ZNF892: variants seen among roughly 807,000 people sequenced by gnomAD.
ZNF892 encodes zinc finger protein 892.
chr2:95,243,391 A>G, the ZNF892 span, among the ~76,000 whole-genome samples: 1 of 141,844 alleles, frequency 7.1e-6, no homozygotes, highest in Non-Finnish European at 1.5e-5. Flanking sequence ...CCGCCATCCC[A>G]TCTAGGAAGT....
chr2:95,235,828 G>A, the ZNF892 span, among the ~76,000 whole-genome samples: 1 of 152,244 alleles, frequency 6.6e-6, no homozygotes, highest in Non-Finnish European at 1.5e-5. Flanking sequence ...CAGAAGGGCG[G>A]GAGAAAAATT....
At chr2:95,236,891 G>C in the ZNF892 span, among the ~76,000 whole-genome samples, 1 of 152,118 alleles carries the variant, frequency 6.6e-6, no homozygotes, top group African/African-American at 2.4e-5. Context: ...TGGACACTAA[G>C]GGCATTGAAA....
At chr2:95,258,409 G>A in the ZNF892 span, among the ~76,000 whole-genome samples, 1 of 152,136 alleles carries the variant, frequency 6.6e-6, no homozygotes, top group Non-Finnish European at 1.5e-5. Context: ...CAAGGGTTGG[G>A]GGCTACAGCA....
At chr2:95,240,598 G>A in the ZNF892 span, among the ~76,000 whole-genome samples, 31 of 152,272 alleles carry the variant, frequency 2.0e-4, no homozygotes, top group African/African-American at 6.3e-4. Context: ...CCAGCAAGGC[G>A]GGAGGTCCAC....
the ZNF892 span, among the ~76,000 whole-genome samples, chr2:95,227,783 A>G: frequency 6.8e-6 from 1 of 146,204 alleles, no homozygotes; most frequent in African/African-American, 2.5e-5. Flanking sequence ...CATCCAAGTG[A>G]TTTTTTTTTT....
At chr2:95,225,042 T>C in the ZNF892 span, among the ~76,000 whole-genome samples, 2 of 152,208 alleles carry the variant, frequency 1.3e-5, no homozygotes, top group Non-Finnish European at 2.9e-5. Context: ...CTATTCGCTA[T>C]AAATTACCCA....
the ZNF892 span, among the ~76,000 whole-genome samples, chr2:95,231,069 A>C: frequency 6.6e-6 from 1 of 152,236 alleles, no homozygotes. Context: ...TTGACCCAGC[A>C]ATCTGACTCC....
chr2:95,257,456 C>T, the ZNF892 span, among the ~76,000 whole-genome samples: 1 of 152,282 alleles, frequency 6.6e-6, no homozygotes, highest in Non-Finnish European at 1.5e-5. Flanking sequence ...AGTACCCGGC[C>T]ATGTGAGGTG....
chr2:95,248,449 A>T, the ZNF892 span, among the ~76,000 whole-genome samples: 1 of 152,228 alleles, frequency 6.6e-6, no homozygotes, highest in African/African-American at 2.4e-5. Flanking sequence ...ATCATGGAAC[A>T]TACCCAGGTA....
the ZNF892 span, among the ~76,000 whole-genome samples, chr2:95,263,371 C>T: frequency 1.1e-4 from 16 of 152,264 alleles, no homozygotes; most frequent in Middle Eastern, 3.4e-3. Context: ...AGGAACCAGC[C>T]GAGCTACCCA....
chr2:95,231,066 A>C, the ZNF892 span, among the ~76,000 whole-genome samples: 1 of 152,228 alleles, frequency 6.6e-6, no homozygotes, highest in South Asian at 2.1e-4. Flanking sequence ...CCATTGACCC[A>C]GCAATCTGAC....
chr2:95,257,920 C>A, the ZNF892 span, among the ~76,000 whole-genome samples: 4 of 152,150 alleles, frequency 2.6e-5, no homozygotes, highest in African/African-American at 9.7e-5. Context: ...ATTGGAAAAG[C>A]GCAGTATTAG....
At chr2:95,215,059 T>A in the ZNF892 span, 1 of 510,864 alleles carries the variant, frequency 2.0e-6, no homozygotes, top group Non-Finnish European at 3.5e-6. Flanking sequence ...GGGAAGGCCT[T>A]CAGCCAAAGC....
the ZNF892 span, among the ~76,000 whole-genome samples, chr2:95,219,125 A>G: frequency 6.6e-6 from 1 of 151,502 alleles, no homozygotes; most frequent in Non-Finnish European, 1.5e-5. Flanking sequence ...CAGCCTCCCA[A>G]GTAGCTGGGC....
chr2:95,220,918 G>A, the ZNF892 span, among the ~76,000 whole-genome samples: 1 of 152,172 alleles, frequency 6.6e-6, no homozygotes, highest in East Asian at 1.9e-4. Context: ...AAGCACTGGA[G>A]AACTGGACTC....
At chr2:95,219,830 CTTAATA>C in the ZNF892 span, among the ~76,000 whole-genome samples, 1 of 152,162 alleles carries the variant, frequency 6.6e-6, no homozygotes, top group Non-Finnish European at 1.5e-5. Context: ...GGCAGGTGTC[CTTAATA>C]CTGCTCGGCA....
the ZNF892 span, chr2:95,208,649 A>G: frequency 1.8e-5 from 7 of 398,466 alleles, no homozygotes; most frequent in Non-Finnish European, 3.1e-5. Context: ...CACTTTTAGG[A>G]TCACTTTTTG....
At chr2:95,208,606 CA>C in the ZNF892 span, 2 of 398,530 alleles carry the variant, frequency 5.0e-6, no homozygotes, top group Non-Finnish European at 8.8e-6. Flanking sequence ...TAGTTTATTG[CA>C]AGGACAGAGT....
At chr2:95,212,094 G>A in the ZNF892 span, 13 of 397,138 alleles carry the variant, frequency 3.3e-5, no homozygotes, top group Non-Finnish European at 5.8e-5. Context: ...AAGAAATGGA[G>A]AACTGACCTC....
Sources: gnomAD v4.1 joint callset for allele counts (sites outside exome capture counted in the v4.1 genomes callset) on GRCh38, gnomAD v4.1.1 for gene constraint, MANE v1.5 for transcripts, NCBI Gene and HGNC (gene_info 2026-07-23, HGNC 2026-07-21) for gene names.